The following ADCY1 variants were observed in gnomAD, a reference collection of about 807,000 sequenced individuals.
The protein encoded by ADCY1 is adenylate cyclase 1.
A neutral mutation model predicts 105.4 loss-of-function variants in ADCY1; 28 were observed. The ratio of observed to expected loss-of-function variants is 0.27; its 90% CI spans 0.20 to 0.36. The LOEUF is 0.36. Among genes scored for constraint, ADCY1 ranks in the 10% least tolerant of loss-of-function variants. The pLI is 1.00. For missense variants in ADCY1, 977 were observed against 1,434.2 expected, an observed-to-expected ratio of 0.68 and a Z score of 5.15; for synonymous variants, 655 against 623.8, an observed-to-expected ratio of 1.05 and a Z score of -0.75.
intron 3 of ADCY1, among the ~76,000 whole-genome samples, chr7:45,621,685 G>A (rs1202446588): frequency 3.9e-5 from 6 of 152,112 alleles, no homozygotes; most frequent in African/African-American, 9.7e-5. Context: ...CATCTTTGGC[G>A]ATACACTGTG....
In ADCY1 at chr7:45,574,576, C is replaced by T. The variant is rs1233471672; in HGVS notation, c.33C>T (p.Gly11=). ...GGGCGCCGCGCGGCGGAGGCGGCGG[C>T]GGAGGCGGCGCGGGCGAGCCCGGGG... MAGAPRGGGG[G]GGGAGEPGGA... The change falls in exon 1 of 20, where the codon GGC becomes GGT. Residue 11 remains glycine, a synonymous_variant. Coordinates refer to ENST00000297323, the MANE Select transcript of ADCY1 (RefSeq NM_021116.4). This position sits in a 1 kb window ranked among gnomAD's most constrained non-coding sequence, Gnocchi z 7.0. 15 of 993,226 alleles carry T rather than the reference C, an allele frequency of 1.5e-5. No individual in the cohort carries two copies. The highest frequency in any genetic ancestry group is 6.2e-5 in the Admixed American group (1 of 16,134). 61.5% of individuals were successfully genotyped at this position (993,226 alleles called of 1,614,324 possible).
intron 4 of ADCY1, among the ~76,000 whole-genome samples, chr7:45,637,877 G>T (rs538884436): frequency 2.0e-5 from 3 of 152,308 alleles, no homozygotes; most frequent in Middle Eastern, 3.4e-3. Context: ...TAGGTTGACA[G>T]TTTTGCTTTG....
At chr7:45,695,111 T>C (rs1784854958) in intron 14 of ADCY1, among the ~76,000 whole-genome samples, 1 of 152,208 alleles carries the variant, frequency 6.6e-6, no homozygotes, top group Admixed American at 6.5e-5. Flanking sequence ...GCTTGGAAAC[T>C]CTCCCAGCAG....
rs1363336078 is a variant in ADCY1, at chr7:45,657,765, G to T, written c.1187G>T (p.Arg396Leu). 6.2e-7 allele frequency: 1 copy of T among 1,613,954 alleles called. No homozygotes were observed. The highest frequency in any genetic ancestry group is 1.3e-5 in the African/African-American group (1 of 74,954). ...GCCACCGAGGTGGATCTGAACATGC[G>T]TGTGGGTCTGCACACGGGCAGGGTC... is the stretch of plus-strand genomic sequence containing the variant. ...AEATEVDLNM[R>L]VGLHTGRVLC... The change falls in exon 6 of 20, where the codon CGT becomes CTT. Residue 396 changes from arginine to leucine, a missense_variant. Physicochemically the swap from Arg to Leu is moderately radical, Grantham distance 102. Coordinates refer to ENST00000297323, the MANE Select transcript of ADCY1 (RefSeq NM_021116.4).
At chr7:45,697,222 G>A (rs961903716) in intron 14 of ADCY1, among the ~76,000 whole-genome samples, 5 of 152,054 alleles carry the variant, frequency 3.3e-5, no homozygotes, top group Admixed American at 3.3e-4. Flanking sequence ...TAGACAGGGT[G>A]TCTTCTGCTT....
In ADCY1 at chr7:45,710,757, G is replaced by T; in HGVS notation, c.3057+105G>T. On this transcript the variant is annotated intron_variant, in intron 19 of 19. Coordinates refer to ENST00000297323, the MANE Select transcript of ADCY1 (RefSeq NM_021116.4). This position sits in a 1 kb window ranked among gnomAD's most constrained non-coding sequence, Gnocchi z 4.7. ...AATCCCCAGTCTACAGCCCGTAAGT[G>T]GCAGGGCAGAAAGAGCTGCATATTT... 2 of 1,418,744 alleles carry T rather than the reference G, an allele frequency of 1.4e-6. No homozygotes were observed. Among genetic ancestry groups the T allele is most frequent in the Non-Finnish European group, 1.9e-6 (2 of 1,065,142 alleles). The allele number at this position is 1,418,744 out of a possible 1,614,324, so 87.9% of individuals were successfully genotyped here.
rs869216986 is a variant in ADCY1, at chr7:45,583,937, GTTTTTTTTTTTTTTTT to G, written c.639+8768_639+8783del. On this transcript the variant is annotated intron_variant, in intron 1 of 19. Transcript: ENST00000297323. The stretch of plus-strand genomic sequence containing the variant: ...TTACAGGCATGAGCCACTGTGCCCT[GTTTTTTTTTTTTTTTT>G]TTTTTTTTTTTTCAGACAAAGTCTC... Among the ~76,000 whole-genome samples, 10 of 56,900 alleles carry G rather than the reference GTTTTTTTTTTTTTTTT, an allele frequency of 1.8e-4. No homozygotes were observed. The Admixed American group carries it at 1.8e-3, about 10-fold the overall frequency. The allele number at this position is 56,900 out of a possible 152,430, so 37.3% of individuals were successfully genotyped here.
Position 45,686,791 on chromosome 7 carries a change from CCCT to C in ADCY1, c.2454+123_2454+125del. Reference sequence around the variant, plus strand: ...CACACGCCGTATGGCCCTCGGAGGGCCCTCCTCAGCAGCATGCAAGCCAGGCAC... The same window carrying C: ...CACACGCCGTATGGCCCTCGGAGGGCCCTCAGCAGCATGCAAGCCAGGCAC... On this transcript the variant is annotated intron_variant, in intron 14 of 19. Coordinates refer to ENST00000297323, the MANE Select transcript of ADCY1 (RefSeq NM_021116.4). The surrounding 1 kb of genome is among the most constrained non-coding windows in gnomAD (Gnocchi z 4.3). 1 of 1,400,130 alleles carries C rather than the reference CCCT, an allele frequency of 7.1e-7. No individual in the cohort carries two copies. Among genetic ancestry groups the C allele is most frequent in the Non-Finnish European group, 9.5e-7 (1 of 1,057,778 alleles). 86.7% of individuals were successfully genotyped at this position (1,400,130 alleles called of 1,614,324 possible).
chr7:45,644,333 C>T (rs1477403481), intron 4 of ADCY1, among the ~76,000 whole-genome samples: 1 of 152,168 alleles, frequency 6.6e-6, no homozygotes, highest in Non-Finnish European at 1.5e-5. Context: ...CCTCTGTGCC[C>T]TTCTGGGACG....
At chr7:45,580,041 C>A (rs1792482630) in intron 1 of ADCY1, among the ~76,000 whole-genome samples, 2 of 150,998 alleles carry the variant, frequency 1.3e-5, no homozygotes, top group Admixed American at 1.3e-4. Flanking sequence ...CAGGCTTATC[C>A]TTCCTCAAGG....
intron 4 of ADCY1, 76 bp downstream of exon 4, chr7:45,622,819 T>C (rs1793936791): frequency 8.4e-7 from 1 of 1,193,928 alleles, no homozygotes; most frequent in Non-Finnish European, 1.2e-6. Context: ...GTGGATTCCC[T>C]GTATTTGGAC....
Position 45,685,977 on chromosome 7 carries a change from T to C in ADCY1, c.2089T>C (p.Trp697Arg). ...AQGCVVGCLP[W>R]AWSSKPNSSL... is the part of the protein sequence containing the mutation. ...CCCTTCCCAGGTGGGCTGCCTGCCT[T>C]GGGCCTGGAGCTCCAAGCCCAACAG... The change falls in exon 13 of 20, where the codon TGG (tryptophan) becomes CGG (arginine). Residue 697 changes from tryptophan to arginine, a missense_variant. This residue lies in a region of ADCY1 where 275 missense variants were observed against 362.1 expected (regional missense o/e 0.76). Coordinates refer to ENST00000297323, the MANE Select transcript of ADCY1 (RefSeq NM_021116.4). 6.2e-7 allele frequency: 1 copy of C among 1,613,252 alleles called. No individual in the cohort carries two copies. The highest frequency in any genetic ancestry group is 8.5e-7 in the Non-Finnish European group (1 of 1,179,512).
At chr7:45,645,578 C>T (rs758250238) in intron 4 of ADCY1, among the ~76,000 whole-genome samples, 1 of 152,108 alleles carries the variant, frequency 6.6e-6, no homozygotes. Context: ...CACACCTGTC[C>T]CACTCCAGGG....
At chr7:45,649,603 TGA>T (rs1794756953) in intron 5 of ADCY1, among the ~76,000 whole-genome samples, 1 of 152,338 alleles carries the variant, frequency 6.6e-6, no homozygotes, top group South Asian at 2.1e-4. Context: ...CCAGCTAGGC[TGA>T]GAGATGGGGC....
intron 4 of ADCY1, among the ~76,000 whole-genome samples, chr7:45,628,196 C>T (rs189498798): frequency 6.8e-4 from 104 of 152,342 alleles, no homozygotes; most frequent in Middle Eastern, 6.8e-3. Context: ...CTGAGAGCCA[C>T]TCTCTAAAGC....
chr7:45,574,233 C>A, upstream of ADCY1: 1 of 810,848 alleles, frequency 1.2e-6, no homozygotes, highest in Non-Finnish European at 1.5e-6. The surrounding 1 kb of genome is among the most constrained non-coding windows in gnomAD (Gnocchi z 7.0). Context: ...GAACGCAGGA[C>A]GCGGAGTTGG....
chr7:45,646,677 C>T (rs577198428), intron 4 of ADCY1, among the ~76,000 whole-genome samples: 46 of 152,340 alleles, frequency 3.0e-4, no homozygotes, highest in Non-Finnish European at 5.1e-4. Flanking sequence ...CTCATGCTCC[C>T]GGGCCCCTGC....
Position 45,667,630 on chromosome 7 carries a change from A to G in ADCY1, c.1605+5416A>G, listed in dbSNP as rs527458374. ...GATGTGGGCTCTTTTTTGGTTCCAT[A>G]TGAACTTTAAAGTAGTTTTTTTCCA... is the stretch of plus-strand genomic sequence containing the variant. On this transcript the variant is annotated intron_variant, in intron 8 of 19. Transcript: ENST00000297323. Among the ~76,000 whole-genome samples the G allele has an allele frequency of 7.2e-5, 11 of 152,310 alleles. No individual in the cohort carries two copies. The South Asian group carries it at 2.1e-3, about 29-fold the overall frequency.
intron 4 of ADCY1, among the ~76,000 whole-genome samples, chr7:45,630,156 G>A (rs1259852134): frequency 6.6e-6 from 1 of 152,002 alleles, no homozygotes; most frequent in Non-Finnish European, 1.5e-5. Flanking sequence ...AGCATTCTTT[G>A]TATGTTCTAC....
Sources: gnomAD v4.1 joint callset for allele counts (sites outside exome capture counted in the v4.1 genomes callset) on GRCh38, gnomAD v4.1.1 for gene constraint, gnomAD v4.1.1 regional missense constraint, Gnocchi (gnomAD v3.1) non-coding constraint, MANE v1.5 for transcripts, NCBI Gene and HGNC (gene_info 2026-07-23, HGNC 2026-07-21) for gene names.